Variants in NCKAP5 observed in about 807,000 individuals in gnomAD.
NCKAP5 encodes the protein NCK associated protein 5.
In NCKAP5, 92 loss-of-function variants were observed where a neutral mutation model predicts 167.0. That is an observed-to-expected ratio of 0.55 (90% confidence interval 0.47 to 0.66). NCKAP5 has a LOEUF of 0.66. Ranked by LOEUF, NCKAP5 falls within the 30% of genes least tolerant of loss-of-function variation. NCKAP5 has a pLI of 0.00. For missense variants in NCKAP5, 2,378 were observed against 2,315.0 expected (o/e 1.03, Z -0.56); for synonymous variants, 891 against 877.4 (o/e 1.02, Z -0.27).
intron 6 of NCKAP5, among the ~76,000 whole-genome samples, chr2:133,098,947 C>A (rs2081421747): frequency 6.6e-6 from 1 of 152,038 alleles, no homozygotes; most frequent in Non-Finnish European, 1.5e-5. Context: ...AAAATATTTC[C>A]TAGGAGACAA....
At chr2:133,054,774 A>T (rs1361716658) in intron 6 of NCKAP5, among the ~76,000 whole-genome samples, 2 of 152,204 alleles carry the variant, frequency 1.3e-5, no homozygotes, top group Non-Finnish European at 2.9e-5. Flanking sequence ...ATCCAGTTTG[A>T]AATTTTCTTG....
At chr2:133,032,475 T>C (rs2078911035) in intron 6 of NCKAP5, among the ~76,000 whole-genome samples, 1 of 152,166 alleles carries the variant, frequency 6.6e-6, no homozygotes, top group Non-Finnish European at 1.5e-5. Flanking sequence ...TTCTAAGGTT[T>C]CTGATTCTAG....
At chr2:133,482,232 C>CT (rs61127181) in intron 3 of NCKAP5, among the ~76,000 whole-genome samples, 5,382 of 145,806 alleles carry the variant, frequency 0.037, 331 homozygotes, top group African/African-American at 0.13. Flanking sequence ...TTTTCTTTTT[C>CT]TTTTTTTTTG....
intron 8 of NCKAP5, chr2:132,930,915 C>G (rs1258924247): frequency 6.6e-6 from 1 of 152,124 alleles, no homozygotes; most frequent in Non-Finnish European, 1.5e-5. Flanking sequence ...AAAATAGGTA[C>G]TGTTATTTTA....
At chr2:133,294,630 T>C (rs534975769) in intron 4 of NCKAP5, among the ~76,000 whole-genome samples, 1 of 152,212 alleles carries the variant, frequency 6.6e-6, no homozygotes, top group African/African-American at 2.4e-5. Flanking sequence ...TAAAAATGTA[T>C]AGATATATCA....
At chr2:133,136,119 G>A (rs1489880498) in intron 5 of NCKAP5, among the ~76,000 whole-genome samples, 1 of 152,090 alleles carries the variant, frequency 6.6e-6, no homozygotes, top group Non-Finnish European at 1.5e-5. Flanking sequence ...CCCTGTGTTT[G>A]GCCTTCCCTA....
At chr2:133,269,408 A>C (rs2089408296) in intron 4 of NCKAP5, among the ~76,000 whole-genome samples, 1 of 152,180 alleles carries the variant, frequency 6.6e-6, no homozygotes, top group South Asian at 2.1e-4. Flanking sequence ...CTCAGTAAAA[A>C]TCTCACTGAG....
intron 8 of NCKAP5, among the ~76,000 whole-genome samples, chr2:132,955,099 C>A (rs766629135): frequency 6.6e-6 from 1 of 152,212 alleles, no homozygotes; most frequent in Non-Finnish European, 1.5e-5. Flanking sequence ...CAGAATACCA[C>A]TGGCACGTTG....
intron 3 of NCKAP5, among the ~76,000 whole-genome samples, chr2:133,311,584 T>C (rs1480170734): frequency 2.0e-5 from 3 of 152,176 alleles, no homozygotes; most frequent in Non-Finnish European, 1.5e-5. Context: ...TGTTTGGCTC[T>C]CCTGGCAACC....
chr2:132,874,569 A>T (rs563780459), intron 9 of NCKAP5, among the ~76,000 whole-genome samples: 1 of 152,232 alleles, frequency 6.6e-6, no homozygotes, highest in Non-Finnish European at 1.5e-5. Flanking sequence ...TTAAAATTCT[A>T]TTTTTGTCTA....
chr2:133,609,535 C>A, the NCKAP5 span, among the ~76,000 whole-genome samples: 2 of 152,224 alleles, frequency 1.3e-5, 1 homozygote, highest in South Asian at 4.2e-4. Context: ...ATAAGCCATA[C>A]TCTCACCCGA....
intron 6 of NCKAP5, among the ~76,000 whole-genome samples, chr2:133,006,827 G>A (rs183092292): frequency 3.3e-4 from 50 of 152,204 alleles, no homozygotes; most frequent in Middle Eastern, 6.8e-3. Flanking sequence ...ATATTTTCTG[G>A]ACAAGAAGAT....
chr2:133,670,545 A>G, the NCKAP5 span, among the ~76,000 whole-genome samples: 1 of 152,228 alleles, frequency 6.6e-6, no homozygotes, highest in Admixed American at 6.5e-5. Context: ...ATGCATAAAT[A>G]TAGCATCAAC....
In NCKAP5 at chr2:132,963,775, G is replaced by C; in HGVS notation, c.524C>G (p.Thr175Arg). 1.2e-6 allele frequency: 2 copies of C among 1,613,876 alleles called. No homozygotes were observed. The highest frequency in any genetic ancestry group is 2.2e-5 in the East Asian group (1 of 44,880). The change falls in exon 8 of 20, where the codon ACA (threonine) becomes AGA (arginine). Residue 175 changes from threonine to arginine, a missense_variant. Physicochemically the swap from Thr to Arg is moderately conservative, Grantham distance 71 (BLOSUM62 -1). Transcript: ENST00000409261. The part of the protein sequence containing the change: ...DEDSRSESSS[T>R]DEGKEKTKLL... ...TTTGGTCTTTTCTTTTCCCTCATCTGTACTGCTGCTTTCACTCCTCGAATC... is the reference window on the plus strand; with the variant it reads ...TTTGGTCTTTTCTTTTCCCTCATCTCTACTGCTGCTTTCACTCCTCGAATC...
In NCKAP5 at chr2:133,180,319, CG is replaced by C. The variant is rs374250357; in HGVS notation, c.207+33396del. ...CTTATCCTAAAAGAATGATTAAAGA[CG>C]TTTTTTTTTCCTTTTCTTTTCTTTC... On this transcript the variant is annotated intron_variant, in intron 5 of 19. Transcript: ENST00000409261. Among the ~76,000 whole-genome samples the C allele has an allele frequency of 1.7e-4, 26 of 150,936 alleles. 1 individual carries two copies. Among genetic ancestry groups the C allele is most frequent in the South Asian group, 8.4e-4 (4 of 4,780 alleles).
rs1683976331 is a variant in NCKAP5 at position 132,673,311 on chromosome 2, AT to A, written c.5714-7del. 6.9e-7 allele frequency: 1 copy of A among 1,454,564 alleles called. No individual in the cohort carries two copies. The highest frequency in any genetic ancestry group is 9.3e-7 in the Non-Finnish European group (1 of 1,075,652). 90.1% of individuals were successfully genotyped at this position (1,454,564 alleles called of 1,614,324 possible). ...TCTTCAAGTTGTCTCAATTTCTGCAATAAAAAGAAGAAAATATTAGAAACAT... is the reference window on the plus strand; with the variant it reads ...TCTTCAAGTTGTCTCAATTTCTGCAAAAAAAGAAGAAAATATTAGAAACAT... On this transcript the variant is annotated splice_polypyrimidine_tract_variant and splice_region_variant and intron_variant, in intron 19 of 19. Transcript: ENST00000409261.
chr2:133,584,425 A>G, the NCKAP5 span, among the ~76,000 whole-genome samples: 1 of 152,176 alleles, frequency 6.6e-6, no homozygotes, highest in African/African-American at 2.4e-5. Flanking sequence ...ATTTGTATAG[A>G]TACCTGGAAG....
chr2:132,745,581 T>C (rs780061072), intron 16 of NCKAP5, among the ~76,000 whole-genome samples: 40 of 151,906 alleles, frequency 2.6e-4, no homozygotes, highest in Non-Finnish European at 4.1e-4. Flanking sequence ...TTTAACATTA[T>C]AGTGGAGGTT....
intron 3 of NCKAP5, among the ~76,000 whole-genome samples, chr2:133,395,818 A>AT (rs991792804): frequency 6.6e-6 from 1 of 151,464 alleles, no homozygotes; most frequent in Non-Finnish European, 1.5e-5. Context: ...TATTTTTTAA[A>AT]TTTTTTTTGT....
Sources: allele counts gnomAD v4.1 joint callset (sites outside exome capture counted in the v4.1 genomes callset), GRCh38; gene constraint gnomAD v4.1.1; transcripts MANE v1.5; gene names NCBI Gene and HGNC (gene_info 2026-07-23, HGNC 2026-07-21).